SPRED2: variants seen among roughly 807,000 people sequenced by gnomAD.
The protein encoded by SPRED2 is sprouty-related, EVH1 domain-containing protein 2.
A neutral mutation model predicts 43.0 loss-of-function variants in SPRED2; 47 were observed. The observed-to-expected ratio is 1.09, with a 90% confidence interval of 0.87 to 1.40. SPRED2 has a LOEUF of 1.40. SPRED2 is among the 40% of genes most tolerant of loss of function. The pLI is 0.00. For synonymous variants in SPRED2, 225 were observed against 225.7 expected (o/e 1.00, Z 0.03); for missense variants, 561 against 586.4 (o/e 0.96, Z 0.45).
intron 1 of SPRED2, among the ~76,000 whole-genome samples, chr2:65,423,079 A>G (rs1676471796): frequency 6.6e-6 from 1 of 152,246 alleles, no homozygotes; most frequent in South Asian, 2.1e-4. Flanking sequence ...GTCTAGCACT[A>G]TGTCTGTATT....
intron 1 of SPRED2, among the ~76,000 whole-genome samples, chr2:65,388,032 A>T (rs955285322): frequency 7.2e-5 from 11 of 152,262 alleles, no homozygotes; most frequent in African/African-American, 2.6e-4. Context: ...ACCTCAAGTG[A>T]TCTGCCTCGG....
chr2:65,407,175 C>T (rs1055996498), intron 1 of SPRED2, among the ~76,000 whole-genome samples: 6 of 151,832 alleles, frequency 4.0e-5, no homozygotes, highest in Non-Finnish European at 8.8e-5. Flanking sequence ...GATCTGCCCG[C>T]CTTGGCCTCC....
At chr2:65,410,258 A>C (rs192189855) in intron 1 of SPRED2, among the ~76,000 whole-genome samples, 4 of 152,080 alleles carry the variant, frequency 2.6e-5, no homozygotes, top group Admixed American at 2.0e-4. Flanking sequence ...GAAAACAAAC[A>C]AACAAAAATC....
chr2:65,360,205 G>GC (rs1275582402), intron 1 of SPRED2, among the ~76,000 whole-genome samples: 1 of 151,636 alleles, frequency 6.6e-6, no homozygotes, highest in African/African-American at 2.4e-5. Flanking sequence ...AGGTGGAAGG[G>GC]CCCTCGACTT....
rs113943136 is a variant in SPRED2 at position 65,409,810 on chromosome 2, C to A, written c.26+22152G>T. Among the ~76,000 whole-genome samples the A allele has an allele frequency of 4.7e-3, 706 of 148,840 alleles. 4 individuals carry two copies. Among genetic ancestry groups the A allele is most frequent in the Middle Eastern group, 7.8e-3 (2 of 256 alleles). On this transcript the variant is annotated intron_variant, in intron 1 of 5. Coordinates refer to ENST00000356388, the MANE Select transcript of SPRED2 (RefSeq NM_181784.3). Reference sequence around the variant, plus strand: ...TAGCACTTTGGGAGGCCAAGGCGGGCGGATCACGAGGTCAGGAGATCAAGA... The same window carrying A: ...TAGCACTTTGGGAGGCCAAGGCGGGAGGATCACGAGGTCAGGAGATCAAGA...
rs1357363955 is a variant in SPRED2, at chr2:65,338,265, CG to C, written c.205-3493del. ...CTCTCCCGTCTCCCTCTCCCTCTCC[CG>C]TCTCCCTCTCCCTCTCCCGTCTCCC... On this transcript the variant is annotated intron_variant, in intron 2 of 5. Coordinates refer to ENST00000356388, the MANE Select transcript of SPRED2 (RefSeq NM_181784.3). Among the ~76,000 whole-genome samples, 7 of 74,888 alleles carry C rather than the reference CG, an allele frequency of 9.3e-5. 1 individual carries two copies. Among genetic ancestry groups the C allele is most frequent in the African/African-American group, 2.2e-4 (4 of 18,364 alleles). The allele number at this position is 74,888 out of a possible 152,430, so 49.1% of individuals were successfully genotyped here.
intron 4 of SPRED2, among the ~76,000 whole-genome samples, chr2:65,322,286 A>ATTT (rs1558649792): frequency 2.0e-5 from 2 of 98,354 alleles, no homozygotes; most frequent in African/African-American, 9.6e-5. Flanking sequence ...ATATATATAT[A>ATTT]TATATATATT....
At chr2:65,419,577 TTGTGTGTGTGTGTGTGTGTGTG>T (rs10541896) in intron 1 of SPRED2, among the ~76,000 whole-genome samples, 8 of 148,998 alleles carry the variant, frequency 5.4e-5, no homozygotes, top group Admixed American at 3.3e-4. Context: ...GGGATTATAG[TTGTGTGTGTGTGTGTGTGTGTG>T]TGTGTGTGTG....
At chr2:65,402,891 T>C (rs920688044) in intron 1 of SPRED2, among the ~76,000 whole-genome samples, 1 of 152,252 alleles carries the variant, frequency 6.6e-6, no homozygotes, top group Non-Finnish European at 1.5e-5. Flanking sequence ...TTTGCTTCAT[T>C]ATTAACCAAA....
Position 65,312,491 on chromosome 2 carries a change from C to T in SPRED2, c.*1010G>A. On this transcript the variant is annotated 3_prime_UTR_variant, in exon 6 of 6. Coordinates refer to ENST00000356388, the MANE Select transcript of SPRED2 (RefSeq NM_181784.3). ...CTCCCTATGGTTTTATTCACCATAA[C>T]CTTAGTGTTTCTCAACTGGAACTTG... 1.0e-6 allele frequency: 1 copy of T among 985,388 alleles called. No individual in the cohort carries two copies. Among genetic ancestry groups the T allele is most frequent in the Non-Finnish European group, 1.2e-6 (1 of 829,906 alleles). The allele number at this position is 985,388 out of a possible 1,614,324, so 61.0% of individuals were successfully genotyped here. A position where few individuals can be genotyped will look rare whatever the true frequency, so the allele number is the denominator to read the frequency against.
chr2:65,327,713 CTTTTTTTTTTTTTTTT>C (rs555549300), intron 4 of SPRED2, among the ~76,000 whole-genome samples: 2 of 74,446 alleles, frequency 2.7e-5, no homozygotes, highest in South Asian at 1.6e-3. Context: ...TTCTTTCTTT[CTTTTTTTTTTTTTTTT>C]TTTTTTTTTT....
At chr2:65,389,437 T>C (rs1675581686) in intron 1 of SPRED2, among the ~76,000 whole-genome samples, 2 of 152,174 alleles carry the variant, frequency 1.3e-5, no homozygotes, top group South Asian at 2.1e-4. Flanking sequence ...GAGAAACATA[T>C]AGATTCTGCG....
At chr2:65,431,929 G>A (rs1306433459) in intron 1 of SPRED2, 33 bp downstream of exon 1, 1 of 1,613,414 alleles carries the variant, frequency 6.2e-7, no homozygotes, top group South Asian at 1.1e-5. Context: ...GCCCCTGAGG[G>A]GCACCCTCGT....
At chr2:65,335,303 C>T (rs1673932870) in intron 2 of SPRED2, among the ~76,000 whole-genome samples, 1 of 152,162 alleles carries the variant, frequency 6.6e-6, no homozygotes, top group Non-Finnish European at 1.5e-5. Context: ...ATCACCAGGT[C>T]CATTTCATTT....
intron 1 of SPRED2, among the ~76,000 whole-genome samples, chr2:65,370,407 G>A (rs761979091): frequency 6.6e-6 from 1 of 152,192 alleles, no homozygotes; most frequent in Admixed American, 6.5e-5. Flanking sequence ...ACATTCGAGT[G>A]TTTATATGCT....
In SPRED2 at chr2:65,392,216, G is replaced by A. The variant is rs1344997736; in HGVS notation, c.26+39746C>T. Among the ~76,000 whole-genome samples the A allele has an allele frequency of 2.7e-5, 3 of 109,828 alleles. No individual in the cohort carries two copies. In the Admixed American group the frequency reaches 4.0e-4, roughly 15 times the overall value. The allele number at this position is 109,828 out of a possible 152,430, so 72.1% of individuals were successfully genotyped here. Reference sequence around the variant, plus strand: ...TTTTTTGGAGACAGGGTCTTGCTCTGTCACCTACACTGGAGTGCAGTGGTG... The same window carrying A: ...TTTTTTGGAGACAGGGTCTTGCTCTATCACCTACACTGGAGTGCAGTGGTG... On this transcript the variant is annotated intron_variant, in intron 1 of 5. Transcript: ENST00000356388.
At chr2:65,424,904 C>T (rs1413589318) in intron 1 of SPRED2, among the ~76,000 whole-genome samples, 1 of 151,038 alleles carries the variant, frequency 6.6e-6, no homozygotes, top group Non-Finnish European at 1.5e-5. Flanking sequence ...GATCAAGAGT[C>T]TGTTTCAAAA....
intron 4 of SPRED2, among the ~76,000 whole-genome samples, chr2:65,320,409 G>A (rs1440190259): frequency 3.9e-5 from 6 of 152,114 alleles, no homozygotes; most frequent in Admixed American, 3.3e-4. Context: ...CTCATTAGTC[G>A]ATCAGAAATG....
At chr2:65,368,530 G>T (rs1228183893) in intron 1 of SPRED2, among the ~76,000 whole-genome samples, 1 of 152,132 alleles carries the variant, frequency 6.6e-6, no homozygotes, top group Non-Finnish European at 1.5e-5. Context: ...TAAGTTCACA[G>T]TTCATTGAAG....
Sources: allele counts gnomAD v4.1 joint callset (sites outside exome capture counted in the v4.1 genomes callset), GRCh38; gene constraint gnomAD v4.1.1; transcripts MANE v1.5; gene names NCBI Gene and HGNC (gene_info 2026-07-23, HGNC 2026-07-21).